Variants in CNTNAP2 observed in about 807,000 individuals in gnomAD.
The protein encoded by CNTNAP2 is contactin-associated protein-like 2.
A neutral mutation model predicts 155.2 loss-of-function variants in CNTNAP2; 98 were observed. The observed-to-expected ratio is 0.63, with a 90% confidence interval of 0.54 to 0.75. The LOEUF (loss-of-function observed/expected upper bound fraction) is 0.75, where lower values mean the gene tolerates loss of function less well. Ranked by LOEUF, CNTNAP2 falls within the 30% of genes least tolerant of loss-of-function variation. The probability of loss-of-function intolerance (pLI) is 0.00; values close to 1 mark genes in which losing one functional copy is unlikely to be tolerated. For missense variants in CNTNAP2, 1,727 were observed against 1,688.1 expected, an observed-to-expected ratio of 1.02 and a Z score of -0.40; for synonymous variants, 651 against 631.2, an observed-to-expected ratio of 1.03 and a Z score of -0.47.
chr7:147,696,033 T>G (rs1455115821), intron 13 of CNTNAP2, among the ~76,000 whole-genome samples: 1 of 152,204 alleles, frequency 6.6e-6, no homozygotes, highest in African/African-American at 2.4e-5. Context: ...GATCTATGTT[T>G]CTCTATCCAT....
At chr7:147,249,604 T>TAAAAAAAAAAAAA (rs755601249) in intron 8 of CNTNAP2, among the ~76,000 whole-genome samples, 11 of 70,002 alleles carry the variant, frequency 1.6e-4, no homozygotes, top group East Asian at 1.8e-3. Flanking sequence ...ACATTGGAGG[T>TAAAAAAAAAAAAA]AAAAAAAAAA....
chr7:148,329,958 A>T (rs1448471921), intron 21 of CNTNAP2, among the ~76,000 whole-genome samples: 1 of 152,166 alleles, frequency 6.6e-6, no homozygotes, highest in Non-Finnish European at 1.5e-5. Context: ...GGGCTTATTG[A>T]CTGAGGCCCC....
intron 21 of CNTNAP2, among the ~76,000 whole-genome samples, chr7:148,287,953 A>T (rs1797113440): frequency 6.6e-6 from 1 of 151,146 alleles, no homozygotes; most frequent in South Asian, 2.1e-4. Flanking sequence ...CACCACGCCC[A>T]GCTAATTTTT....
chr7:148,313,196 A>C (rs1437004456), intron 21 of CNTNAP2, among the ~76,000 whole-genome samples: 1 of 150,790 alleles, frequency 6.6e-6, no homozygotes, highest in Non-Finnish European at 1.5e-5. Context: ...GGTAATGTGG[A>C]GTGGGTAGCC....
chr7:147,177,581 T>C (rs939355262), intron 8 of CNTNAP2, among the ~76,000 whole-genome samples: 1 of 152,192 alleles, frequency 6.6e-6, no homozygotes, highest in East Asian at 1.9e-4. Context: ...TAGTCAATGA[T>C]TTCTGGATAC....
At chr7:148,392,795 T>G (rs1167523220) in intron 22 of CNTNAP2, among the ~76,000 whole-genome samples, 2 of 152,184 alleles carry the variant, frequency 1.3e-5, no homozygotes, top group Non-Finnish European at 2.9e-5. Flanking sequence ...ACCAGCCCTC[T>G]TAGGCACGTG....
chr7:147,554,055 C>G (rs1799904423), intron 11 of CNTNAP2, among the ~76,000 whole-genome samples: 1 of 152,200 alleles, frequency 6.6e-6, no homozygotes, highest in Admixed American at 6.5e-5. Flanking sequence ...TCTATAGGAT[C>G]TGAGCAAGAT....
intron 2 of CNTNAP2, among the ~76,000 whole-genome samples, chr7:146,827,645 A>G (rs1339144322): frequency 1.3e-5 from 2 of 152,034 alleles, no homozygotes; most frequent in Non-Finnish European, 2.9e-5. Context: ...GCAGACTTTT[A>G]CTAAGAATGC....
chr7:147,198,141 G>A (rs1269187708), intron 8 of CNTNAP2, among the ~76,000 whole-genome samples: 1 of 151,270 alleles, frequency 6.6e-6, no homozygotes, highest in Admixed American at 6.6e-5. Context: ...TTTATAAAAT[G>A]GAATATATAA....
chr7:146,135,939 T>C (rs1797790876), intron 1 of CNTNAP2, among the ~76,000 whole-genome samples: 2 of 152,122 alleles, frequency 1.3e-5, no homozygotes, highest in Non-Finnish European at 2.9e-5. Flanking sequence ...CTCTGTCCTC[T>C]TGTTTGATAG....
At chr7:146,524,948 A>G (rs1034628340) in intron 1 of CNTNAP2, among the ~76,000 whole-genome samples, 3 of 152,046 alleles carry the variant, frequency 2.0e-5, no homozygotes, top group African/African-American at 4.8e-5. Flanking sequence ...GTTAAAAACT[A>G]TTTTCCTGGA....
rs140391247 is a variant in CNTNAP2, at chr7:146,453,735, TAA to T, written c.98-320533_98-320532del. 8.9e-3 allele frequency among the ~76,000 whole-genome samples: 1,351 copies of T among 152,200 alleles called. 76 individuals are homozygous for T. Among genetic ancestry groups the T allele is most frequent in the Admixed American group, 0.075 (1,143 of 15,274 alleles). ...ATGAAAATTAGAGGTACAGAAGATA[TAA>T]AAGAGACTCTGATTTAACTTCTAGA... On this transcript the variant is annotated intron_variant, in intron 1 of 23. Coordinates refer to ENST00000361727, the MANE Select transcript of CNTNAP2 (RefSeq NM_014141.6).
chr7:146,999,021 TTTG>T (rs1798366412), intron 3 of CNTNAP2, among the ~76,000 whole-genome samples: 1 of 151,936 alleles, frequency 6.6e-6, no homozygotes, highest in African/African-American at 2.4e-5. Flanking sequence ...CTGCTGTCTT[TTTG>T]TTACTTGTTT....
chr7:147,768,274 A>G (rs1797413954), intron 13 of CNTNAP2, among the ~76,000 whole-genome samples: 1 of 152,178 alleles, frequency 6.6e-6, no homozygotes, highest in Admixed American at 6.6e-5. Context: ...TGCAAAACTC[A>G]GAGAAGCTGA....
chr7:146,475,002 C>T (rs1207977688), intron 1 of CNTNAP2, among the ~76,000 whole-genome samples: 14 of 121,262 alleles, frequency 1.2e-4, no homozygotes, highest in African/African-American at 2.8e-4. Context: ...AGCGCGCACG[C>T]GCGCGCGCGC....
chr7:148,332,219 T>C (rs1466221440), intron 21 of CNTNAP2, among the ~76,000 whole-genome samples: 2 of 151,688 alleles, frequency 1.3e-5, no homozygotes, highest in Admixed American at 1.3e-4. Context: ...AAAATCATAA[T>C]TCCTATAATT....
chr7:147,523,765 C>A (rs1334978723), intron 11 of CNTNAP2, among the ~76,000 whole-genome samples: 1 of 152,194 alleles, frequency 6.6e-6, no homozygotes, highest in Non-Finnish European at 1.5e-5. Context: ...TTACTCAATT[C>A]CCATGCCTAG....
chr7:146,375,624 C>G (rs1430750779), intron 1 of CNTNAP2, among the ~76,000 whole-genome samples: 1 of 152,100 alleles, frequency 6.6e-6, no homozygotes, highest in Non-Finnish European at 1.5e-5. Context: ...TTTCTTATGG[C>G]AAATTTTGTG....
intron 3 of CNTNAP2, among the ~76,000 whole-genome samples, chr7:146,940,168 G>A (rs1797020070): frequency 6.6e-6 from 1 of 151,774 alleles, no homozygotes; most frequent in Non-Finnish European, 1.5e-5. Context: ...ACATTCTCAT[G>A]CGTCATATTT....
Sources: gnomAD v4.1 joint callset for allele counts (sites outside exome capture counted in the v4.1 genomes callset) on GRCh38, gnomAD v4.1.1 for gene constraint, MANE v1.5 for transcripts, NCBI Gene and HGNC (gene_info 2026-07-23, HGNC 2026-07-21) for gene names.